The following ABLIM1 variants were observed in gnomAD, a reference collection of about 807,000 sequenced individuals.
ABLIM1 encodes the protein actin-binding LIM protein 1.
Under a neutral mutation model 107.0 loss-of-function variants are expected in ABLIM1, and 40 were observed. The ratio of observed to expected loss-of-function variants is 0.37; its 90% CI spans 0.29 to 0.49. The LOEUF (loss-of-function observed/expected upper bound fraction) is 0.49, where lower values mean the gene tolerates loss of function less well. Ranked by LOEUF, ABLIM1 falls within the 20% of genes least tolerant of loss-of-function variation. The pLI is 0.97. For synonymous variants in ABLIM1, 357 were observed against 357.3 expected (o/e 1.00, Z 0.01); for missense variants, 857 against 1,008.5 (o/e 0.85, Z 2.04).
In ABLIM1 at chr10:114,646,574, A is replaced by T. The variant is rs982878232; in HGVS notation, c.244+11383T>A. 2.0e-5 allele frequency among the ~76,000 whole-genome samples: 3 copies of T among 152,234 alleles called. No individual in the cohort carries two copies. The East Asian group carries it at 5.8e-4, about 29-fold the overall frequency. On this transcript the variant is annotated intron_variant, in intron 1 of 22. Transcript: ENST00000533213. ...TAACTCTAAAACAAGGCAGAAAGGG[A>T]TTGGAATCAGAGATACCGACCAAAC...
intron 19 of ABLIM1, 37 bp downstream of exon 19, chr10:114,440,980 G>A: frequency 6.4e-7 from 1 of 1,562,356 alleles, no homozygotes; most frequent in Admixed American, 1.9e-5. Flanking sequence ...CTCGAGGGAA[G>A]ACGTGGCCAT....
At chr10:114,623,560 G>T (rs1369083580) in intron 1 of ABLIM1, among the ~76,000 whole-genome samples, 1 of 152,180 alleles carries the variant, frequency 6.6e-6, no homozygotes, top group East Asian at 1.9e-4. Context: ...CACCTGTAGG[G>T]CTGGTCATTT....
chr10:114,584,196 C>T (rs998046014), intron 2 of ABLIM1, among the ~76,000 whole-genome samples: 1 of 151,800 alleles, frequency 6.6e-6, no homozygotes, highest in Non-Finnish European at 1.5e-5. Flanking sequence ...TACACCATCC[C>T]TGCACCTTCC....
chr10:114,733,623 G>A (rs2082120788), intron 1 of ABLIM1, among the ~76,000 whole-genome samples: 1 of 152,088 alleles, frequency 6.6e-6, no homozygotes, highest in South Asian at 2.1e-4. Flanking sequence ...AACACAGGTA[G>A]TGCCTGGGGA....
At chr10:114,759,555 G>C (rs2082700458) in intron 1 of ABLIM1, among the ~76,000 whole-genome samples, 1 of 152,146 alleles carries the variant, frequency 6.6e-6, no homozygotes, top group Non-Finnish European at 1.5e-5. Context: ...GCTAAACGCT[G>C]TTAGTCTCTG....
In ABLIM1 at chr10:114,610,354, T is replaced by A. The variant is rs554794224; in HGVS notation, c.245-8393A>T. 2.0e-5 allele frequency among the ~76,000 whole-genome samples: 3 copies of A among 152,302 alleles called. No individual in the cohort carries two copies. In the South Asian group the frequency reaches 6.2e-4, roughly 32 times the overall value. ...CTGGTCTGGATTTGCAATCCTAAGA[T>A]GCTCCTCTGTATGGTAAGGTTGACT... On this transcript the variant is annotated intron_variant, in intron 1 of 22. Transcript: ENST00000533213.
At chr10:114,752,635 C>A (rs141356527) in intron 1 of ABLIM1, among the ~76,000 whole-genome samples, 482 of 152,300 alleles carry the variant, frequency 3.2e-3, no homozygotes, top group Non-Finnish European at 5.7e-3. Context: ...GTTCCCTTCC[C>A]TGTGTCTATG....
At chr10:114,787,857 T>C in the ABLIM1 span, among the ~76,000 whole-genome samples, 3 of 147,956 alleles carry the variant, frequency 2.0e-5, no homozygotes, top group Non-Finnish European at 4.5e-5. Flanking sequence ...GAACGGGCCA[T>C]GATGACAATG....
chr10:114,601,630 G>A lies in ABLIM1; in HGVS notation c.379+197C>T, dbSNP rs567105110. 1.9e-4 allele frequency: 158 copies of A among 847,158 alleles called. 2 individuals are homozygous for A. In the African/African-American group the frequency reaches 2.2e-3, roughly 12 times the overall value. The allele number at this position is 847,158 out of a possible 1,614,324, so 52.5% of individuals were successfully genotyped here. A position where few individuals can be genotyped will look rare whatever the true frequency, so the allele number is the denominator to read the frequency against. On this transcript the variant is annotated intron_variant, in intron 2 of 22. Coordinates refer to ENST00000533213, the MANE Select transcript of ABLIM1 (RefSeq NM_002313.7). ...CCTCAGTGAGCACCCAAAGGCCCAC[G>A]AATCACTGGTTTTAGCAGGACTCGT...
intron 6 of ABLIM1, among the ~76,000 whole-genome samples, chr10:114,535,667 A>C (rs2065922804): frequency 6.6e-6 from 1 of 152,200 alleles, no homozygotes; most frequent in Admixed American, 6.5e-5. Context: ...CCATTCTTGC[A>C]TAGATAGCTA....
chr10:114,553,635 C>T (rs1466781172), intron 4 of ABLIM1, among the ~76,000 whole-genome samples: 2 of 152,166 alleles, frequency 1.3e-5, no homozygotes, highest in African/African-American at 4.8e-5. Flanking sequence ...GAGGAACAGC[C>T]TCCCACTCTC....
At chr10:114,598,414 G>A (rs576539659) in intron 2 of ABLIM1, among the ~76,000 whole-genome samples, 46 of 150,866 alleles carry the variant, frequency 3.0e-4, no homozygotes, top group African/African-American at 1.1e-3. Context: ...ATGAAAACTC[G>A]TCTCTACTTA....
At chr10:114,521,498 G>A (rs1430173310) in intron 6 of ABLIM1, among the ~76,000 whole-genome samples, 1 of 152,212 alleles carries the variant, frequency 6.6e-6, no homozygotes, top group Non-Finnish European at 1.5e-5. Flanking sequence ...ACAGGTGACT[G>A]TAACTGGATA....
chr10:114,585,512 C>G (rs1283251973), intron 2 of ABLIM1, among the ~76,000 whole-genome samples: 1 of 152,164 alleles, frequency 6.6e-6, no homozygotes, highest in East Asian at 1.9e-4. Flanking sequence ...CTCCCCTGCC[C>G]GATCTCCCCT....
intron 1 of ABLIM1, among the ~76,000 whole-genome samples, chr10:114,625,614 T>C (rs750277000): frequency 2.0e-5 from 3 of 152,146 alleles, no homozygotes; most frequent in Non-Finnish European, 4.4e-5. Context: ...GAAGCCAAAC[T>C]TGAGTTAGAT....
chr10:114,692,727 T>C (rs1226394149), intron 1 of ABLIM1, among the ~76,000 whole-genome samples: 1 of 152,056 alleles, frequency 6.6e-6, no homozygotes, highest in African/African-American at 2.4e-5. Context: ...TCGTCTCTAC[T>C]AAAAATAAAA....
intron 1 of ABLIM1, among the ~76,000 whole-genome samples, chr10:114,744,851 C>G (rs757875455): frequency 3.3e-5 from 5 of 152,068 alleles, no homozygotes; most frequent in African/African-American, 1.2e-4. Context: ...CCACCTTGAC[C>G]CTGCCCTGAC....
At chr10:114,696,813 G>A (rs2081204021) in intron 1 of ABLIM1, among the ~76,000 whole-genome samples, 1 of 152,076 alleles carries the variant, frequency 6.6e-6, no homozygotes, top group East Asian at 1.9e-4. Context: ...GTGTGAAAAT[G>A]AACTAATATA....
At chr10:114,706,355 A>G (rs1465381247) in intron 1 of ABLIM1, among the ~76,000 whole-genome samples, 1 of 152,268 alleles carries the variant, frequency 6.6e-6, no homozygotes, top group Non-Finnish European at 1.5e-5. Context: ...GAGTAGTACC[A>G]GCTCATCATC....
Sources: gnomAD v4.1 joint callset for allele counts (sites outside exome capture counted in the v4.1 genomes callset) on GRCh38, gnomAD v4.1.1 for gene constraint, MANE v1.5 for transcripts, NCBI Gene and HGNC (gene_info 2026-07-23, HGNC 2026-07-21) for gene names.